The following CAPN8 variants were observed in gnomAD, a reference collection of about 807,000 sequenced individuals.
CAPN8 encodes the protein calpain-8.
A neutral mutation model predicts 80.9 loss-of-function variants in CAPN8; 87 were observed. That is an observed-to-expected ratio of 1.07 (90% CI 0.90 to 1.28). The LOEUF is 1.28. Among genes scored for constraint, CAPN8 ranks in the 50% most tolerant of loss-of-function variants. The pLI is 0.00. For missense variants in CAPN8, 757 were observed against 702.0 expected (o/e 1.08, Z -0.89); for synonymous variants, 299 against 273.8 (o/e 1.09, Z -0.91).
chr1:223,546,324 G>T (rs1188297346), intron 16 of CAPN8, among the ~76,000 whole-genome samples: 1 of 152,164 alleles, frequency 6.6e-6, no homozygotes, highest in East Asian at 1.9e-4. Flanking sequence ...GTTTGAGGCT[G>T]CAGTGAGCTC....
intron 14 of CAPN8, among the ~76,000 whole-genome samples, chr1:223,551,425 G>C (rs929905729): frequency 6.6e-6 from 1 of 152,162 alleles, no homozygotes; most frequent in African/African-American, 2.4e-5. Flanking sequence ...ACAGGCATGA[G>C]CCACCGTGCC....
At chr1:223,648,194 A>G (rs1339256558) in intron 2 of CAPN8, among the ~76,000 whole-genome samples, 5 of 152,306 alleles carry the variant, frequency 3.3e-5, no homozygotes, top group African/African-American at 1.2e-4. Context: ...ACCAGGACCC[A>G]AGATTGAGGG....
Position 223,547,953 on chromosome 1 carries a change from G to C in CAPN8, c.1764+1365C>G, listed in dbSNP as rs147868854. ...TGTCAAGCATGGAGAAAAGACACGA[G>C]GGCTAAAGAGCCCCAGCCTCATGCA... On this transcript the variant is annotated intron_variant, in intron 16 of 20. Transcript: ENST00000366872. 6.4e-3 allele frequency among the ~76,000 whole-genome samples: 967 copies of C among 152,254 alleles called. 13 individuals are homozygous for C. The highest frequency in any genetic ancestry group is 0.021 in the African/African-American group (855 of 41,552).
At chr1:223,654,579 A>G (rs1658427624) in intron 1 of CAPN8, among the ~76,000 whole-genome samples, 180 bp from the exon 2 acceptor site, 1 of 152,224 alleles carries the variant, frequency 6.6e-6, no homozygotes. Flanking sequence ...AGCCCTGGTC[A>G]CAGTCACACA....
chr1:223,541,814 C>G lies in CAPN8; in HGVS notation c.*22G>C. The G allele has an allele frequency of 6.4e-7, 1 of 1,551,466 alleles. No homozygotes were observed. Among genetic ancestry groups the G allele is most frequent in the Middle Eastern group, 1.7e-4 (1 of 5,930 alleles). ...AAGCAAGCAGTGGGGCAGGGAGTGTCACTGATGTCCGAAACCCCGGGTCAG... is the reference window on the plus strand; with the variant it reads ...AAGCAAGCAGTGGGGCAGGGAGTGTGACTGATGTCCGAAACCCCGGGTCAG... On this transcript the variant is annotated 3_prime_UTR_variant, in exon 21 of 21. Coordinates refer to ENST00000366872, the MANE Select transcript of CAPN8 (RefSeq NM_001143962.2).
At chr1:223,648,662 G>C (rs1658258298) in intron 2 of CAPN8, among the ~76,000 whole-genome samples, 1 of 152,252 alleles carries the variant, frequency 6.6e-6, no homozygotes, top group African/African-American at 2.4e-5. Flanking sequence ...TGTTGCTGTT[G>C]GTTCCTTGTT....
chr1:223,543,106 A>C lies in CAPN8; in HGVS notation c.2088+2T>G, dbSNP rs1656512824. ...CAATTCATCAAACCTCAGGACATTC[A>C]CCTCGGCCAGAGAGAGCTGAACCAT... On this transcript the variant is annotated splice_donor_variant, in intron 20 of 20. Transcript: ENST00000366872. LOFTEE classifies it high-confidence loss of function. 6.4e-7 allele frequency: 1 copy of C among 1,551,570 alleles called. No individual in the cohort carries two copies. Among genetic ancestry groups the C allele is most frequent in the Non-Finnish European group, 8.7e-7 (1 of 1,146,950 alleles).
chr1:223,645,558 G>T (rs553409820), intron 2 of CAPN8, among the ~76,000 whole-genome samples: 2 of 152,334 alleles, frequency 1.3e-5, no homozygotes, highest in African/African-American at 2.4e-5. Context: ...TCTGAAGGGG[G>T]TGGGGGGACC....
intron 2 of CAPN8, among the ~76,000 whole-genome samples, chr1:223,650,927 G>A (rs776664684): frequency 6.6e-6 from 1 of 152,204 alleles, no homozygotes; most frequent in African/African-American, 2.4e-5. Context: ...AAATGCAAGG[G>A]AGAGAGACTG....
In CAPN8 at chr1:223,625,757, T is replaced by G. The variant is rs537838969; in HGVS notation, c.813+48A>C. The stretch of plus-strand genomic sequence containing the variant: ...CTCCTGTCGAGATGGCTTGGATTCA[T>G]GGAAATATTATCACACGTTACCTTC... On this transcript the variant is annotated intron_variant, in intron 6 of 20. Transcript: ENST00000366872. The G allele has an allele frequency of 4.2e-5, 62 of 1,478,570 alleles. No homozygotes were observed. The South Asian group carries it at 6.4e-4, about 15-fold the overall frequency. 91.6% of individuals were successfully genotyped at this position (1,478,570 alleles called of 1,614,324 possible).
intron 2 of CAPN8, among the ~76,000 whole-genome samples, chr1:223,650,728 C>T (rs1035640683): frequency 4.6e-5 from 7 of 152,114 alleles, no homozygotes; most frequent in African/African-American, 1.7e-4. Context: ...ATAAATAATC[C>T]TTTTCCTTAA....
chr1:223,547,242 T>C (rs536770077), intron 16 of CAPN8, among the ~76,000 whole-genome samples: 448 of 152,262 alleles, frequency 2.9e-3, no homozygotes, highest in African/African-American at 0.01. Flanking sequence ...TAGCACTTTG[T>C]AGGACATGTG....
chr1:223,625,824 G>C lies in CAPN8; in HGVS notation c.794C>G (p.Ser265Cys). 1.3e-6 allele frequency: 2 copies of C among 1,551,092 alleles called. No individual in the cohort carries two copies. Among genetic ancestry groups the C allele is most frequent in the South Asian group, 2.4e-5 (2 of 84,026 alleles). The part of the protein sequence containing the change: ...SQKLVKSHAY[S>C]VTGVEEVNFQ... ...TTTTACCTCTTCGACTCCAGTGACA[G>C]AGTACGCATGACTCTTAACCAGCTT... The change falls in exon 6 of 21, where the codon TCT becomes TGT. Residue 265 changes from serine (S) to cysteine (C), a missense_variant. Ser to Cys is a moderately radical substitution (Grantham distance 112, BLOSUM62 -1). Transcript: ENST00000366872.
At chr1:223,611,023 G>GC (rs35246472) in intron 11 of CAPN8, among the ~76,000 whole-genome samples, 101,210 of 151,856 alleles carry the variant, frequency 0.67, 34,329 homozygotes, top group African/African-American at 0.78. Flanking sequence ...TGTCCTGAAG[G>GC]CCCCCCGGCA....
chr1:223,544,215 G>C, intron 18 of CAPN8, 32 bp from the exon 19 acceptor site: 1 of 716,048 alleles, frequency 1.4e-6, no homozygotes, highest in East Asian at 2.7e-5. Flanking sequence ...GTCACAGGTA[G>C]AGTGGAGGAC....
intron 1 of CAPN8, among the ~76,000 whole-genome samples, chr1:223,657,481 T>G (rs185391265): frequency 6.6e-5 from 10 of 152,254 alleles, no homozygotes; most frequent in Admixed American, 6.5e-4. Flanking sequence ...TAAAATAGGT[T>G]CTTGGCTGGG....
intron 1 of CAPN8, among the ~76,000 whole-genome samples, chr1:223,664,375 T>C (rs950760653): frequency 4.6e-5 from 7 of 152,212 alleles, no homozygotes; most frequent in African/African-American, 1.7e-4. Flanking sequence ...AGTTGTTCCA[T>C]TGTGCACTGG....
At chr1:223,617,241 AAT>A (rs1338907855) in intron 9 of CAPN8, 1 of 147,506 alleles carries the variant, frequency 6.8e-6, no homozygotes, top group Non-Finnish European at 1.5e-5. Flanking sequence ...TTACTTATTC[AAT>A]TCCACCTTCT....
chr1:223,628,121 C>A lies in CAPN8; in HGVS notation c.448G>T (p.Val150Leu), dbSNP rs1259350526. 3.2e-6 allele frequency: 5 copies of A among 1,550,276 alleles called. No individual in the cohort carries two copies. In the South Asian group the frequency reaches 6.0e-5, roughly 18 times the overall value. ...AGCCTGTCGTCAATGACCACCTCCA[C>A]CCACTCTCCGTACTGCCAGAACTGG... The part of the protein sequence containing the change: ...HFQFWQYGEW[V>L]EVVIDDRLPT... The change falls in exon 4 of 21, where the codon GTG becomes TTG. Residue 150 changes from valine (V) to leucine (L), a missense_variant. Val to Leu is a conservative substitution (Grantham distance 32). Transcript: ENST00000366872.
Sources: allele counts gnomAD v4.1 joint callset (sites outside exome capture counted in the v4.1 genomes callset), GRCh38; gene constraint gnomAD v4.1.1; transcripts MANE v1.5; gene names NCBI Gene and HGNC (gene_info 2026-07-23, HGNC 2026-07-21).